CHST8: variants seen among roughly 807,000 people sequenced by gnomAD.
CHST8 encodes the protein GALNAC-4-ST1.
Under a neutral mutation model 15.0 loss-of-function variants are expected in CHST8, and 10 were observed. The ratio of observed to expected loss-of-function variants is 0.67; its 90% CI spans 0.41 to 1.13. CHST8 has a LOEUF of 1.13. Among genes scored for constraint, CHST8 ranks in the 50% most tolerant of loss-of-function variants. The pLI, the probability that CHST8 is intolerant of heterozygous loss-of-function variation, is 0.00. For missense variants in CHST8, 634 were observed against 608.2 expected (o/e 1.04, Z -0.45); for synonymous variants, 259 against 256.6 (o/e 1.01, Z -0.09).
At chr19:33,765,391 C>T (rs1974813726) in intron 3 of CHST8, among the ~76,000 whole-genome samples, 1 of 152,074 alleles carries the variant, frequency 6.6e-6, no homozygotes, top group African/African-American at 2.4e-5. Flanking sequence ...TTAAGCCTCC[C>T]AGTTTGGGAT....
At chr19:33,632,927 C>A (rs1972141932) in intron 1 of CHST8, among the ~76,000 whole-genome samples, 1 of 152,054 alleles carries the variant, frequency 6.6e-6, no homozygotes, top group Non-Finnish European at 1.5e-5. Context: ...TGCCACCACA[C>A]CTGGCTAATT....
intron 1 of CHST8, among the ~76,000 whole-genome samples, chr19:33,655,327 G>A (rs551327827): frequency 3.0e-4 from 46 of 152,282 alleles, no homozygotes; most frequent in East Asian, 7.7e-4. Flanking sequence ...ATGAGCCACC[G>A]CGCCCAGCCT....
intron 2 of CHST8, among the ~76,000 whole-genome samples, chr19:33,669,803 A>T (rs992652713): frequency 1.3e-5 from 2 of 152,204 alleles, no homozygotes; most frequent in Non-Finnish European, 2.9e-5. Flanking sequence ...AGTTGTGATG[A>T]ATGGATGATG....
chr19:33,741,621 A>G (rs1974196079), intron 3 of CHST8, among the ~76,000 whole-genome samples: 1 of 152,038 alleles, frequency 6.6e-6, no homozygotes, highest in Non-Finnish European at 1.5e-5. Context: ...TGTCTTTTGT[A>G]GGACTGGACT....
At position 33,757,438 on chromosome 19, in the gene CHST8, GA is replaced by G. The variant is rs1346250221; in HGVS notation, c.131-13972del. On this transcript the variant is annotated intron_variant, in intron 3 of 4. Coordinates refer to ENST00000650847, the MANE Select transcript of CHST8 (RefSeq NM_001127895.2). Reference sequence around the variant, plus strand: ...AGAAAGAAAGAAAGAAAGAAAGAAAGAAAGAAAGAAAGAAAGAAAGAAAGAA... The same window carrying G: ...AGAAAGAAAGAAAGAAAGAAAGAAAGAAGAAAGAAAGAAAGAAAGAAAGAA... Among the ~76,000 whole-genome samples, 3 of 20,248 alleles carry G rather than the reference GA, an allele frequency of 1.5e-4. 1 individual carries two copies. Among genetic ancestry groups the G allele is most frequent in the South Asian group, 1.7e-3 (1 of 588 alleles). The allele number at this position is 20,248 out of a possible 152,430, so 13.3% of individuals were successfully genotyped here.
At chr19:33,755,993 C>A (rs1974537928) in intron 3 of CHST8, among the ~76,000 whole-genome samples, 1 of 152,094 alleles carries the variant, frequency 6.6e-6, no homozygotes, top group South Asian at 2.1e-4. Flanking sequence ...CTTCCAGGAG[C>A]CCAGTAAGCT....
chr19:33,721,665 G>A (rs1454130452), intron 3 of CHST8, among the ~76,000 whole-genome samples: 4 of 151,576 alleles, frequency 2.6e-5, no homozygotes, highest in African/African-American at 9.7e-5. Context: ...TGGATGGAGG[G>A]ATGTATGAAT....
At position 33,685,354 on chromosome 19, in the gene CHST8, CT is replaced by C. The variant is rs113246634; in HGVS notation, c.-86-3807del. On this transcript the variant is annotated intron_variant, in intron 2 of 4. Coordinates refer to ENST00000650847, the MANE Select transcript of CHST8 (RefSeq NM_001127895.2). ...GAGGGGTTTATAAGATTAATTGGAT[CT>C]TTTTTTTTTTTTTTCTTAAAGTAAA... Among the ~76,000 whole-genome samples, 528 of 143,110 alleles carry C rather than the reference CT, an allele frequency of 3.7e-3. 6 individuals are homozygous for C. Among genetic ancestry groups the C allele is most frequent in the East Asian group, 0.012 (57 of 4,940 alleles). 93.9% of individuals were successfully genotyped at this position (143,110 alleles called of 152,430 possible). A position where few individuals can be genotyped will look rare whatever the true frequency, so the allele number is the denominator to read the frequency against.
intron 1 of CHST8, among the ~76,000 whole-genome samples, chr19:33,650,518 C>CTTT (rs869057036): frequency 2.0e-3 from 73 of 36,110 alleles, no homozygotes; most frequent in Non-Finnish European, 2.9e-3. Flanking sequence ...TTTTTCTTTT[C>CTTT]TTTTTTTTTT....
At chr19:33,700,332 C>T (rs534230220) in intron 3 of CHST8, among the ~76,000 whole-genome samples, 2 of 152,210 alleles carry the variant, frequency 1.3e-5, no homozygotes, top group South Asian at 4.1e-4. Flanking sequence ...AAGTAGCTGG[C>T]AATACATTAT....
intron 3 of CHST8, among the ~76,000 whole-genome samples, chr19:33,721,098 A>T (rs1232053392): frequency 6.6e-6 from 1 of 152,222 alleles, no homozygotes; most frequent in Non-Finnish European, 1.5e-5. Context: ...TGTAATCACA[A>T]GGGAATCGTT....
chr19:33,756,735 C>G (rs189455145), intron 3 of CHST8, among the ~76,000 whole-genome samples: 2 of 152,228 alleles, frequency 1.3e-5, no homozygotes, highest in African/African-American at 4.8e-5. Context: ...AAGGTAAGAA[C>G]CTGAATTTGT....
intron 3 of CHST8, among the ~76,000 whole-genome samples, chr19:33,739,961 G>A (rs1442328316): frequency 1.3e-5 from 2 of 152,188 alleles, no homozygotes; most frequent in East Asian, 3.8e-4. Flanking sequence ...TCAGAGGAGA[G>A]CAGCTCTCAG....
At chr19:33,731,486 C>T (rs987212643) in intron 3 of CHST8, among the ~76,000 whole-genome samples, 6 of 152,152 alleles carry the variant, frequency 3.9e-5, no homozygotes, top group Admixed American at 3.9e-4. Flanking sequence ...GTGAGGACAA[C>T]CGGGGGTCAC....
chr19:33,702,818 C>T (rs1009983323), intron 3 of CHST8, among the ~76,000 whole-genome samples: 3 of 152,146 alleles, frequency 2.0e-5, no homozygotes, highest in African/African-American at 7.2e-5. Context: ...TTGGAGGGAC[C>T]GGGGGAGGAG....
intron 3 of CHST8, among the ~76,000 whole-genome samples, chr19:33,747,734 G>A (rs575279022): frequency 6.6e-6 from 1 of 152,236 alleles, no homozygotes; most frequent in South Asian, 2.1e-4. Flanking sequence ...ATACCTGGCT[G>A]TTTGTTTTCT....
intron 3 of CHST8, among the ~76,000 whole-genome samples, chr19:33,742,296 T>A (rs990520608): frequency 3.3e-5 from 5 of 152,316 alleles, no homozygotes; most frequent in African/African-American, 1.2e-4. Context: ...TACCTGAGAC[T>A]GGGTAATTTA....
At chr19:33,623,295 G>T (rs545100677) in intron 1 of CHST8, among the ~76,000 whole-genome samples, 1 of 152,346 alleles carries the variant, frequency 6.6e-6, no homozygotes, top group South Asian at 2.1e-4. Context: ...CTGTCCTGCA[G>T]TCGTCTCCGG....
intron 3 of CHST8, among the ~76,000 whole-genome samples, chr19:33,768,486 C>G (rs1316721436): frequency 6.6e-6 from 1 of 152,062 alleles, no homozygotes; most frequent in Non-Finnish European, 1.5e-5. Flanking sequence ...AAGTCTCACT[C>G]TGTTGCTCAG....
Sources: allele counts gnomAD v4.1 joint callset (sites outside exome capture counted in the v4.1 genomes callset), GRCh38; gene constraint gnomAD v4.1.1; transcripts MANE v1.5; gene names NCBI Gene and HGNC (gene_info 2026-07-23, HGNC 2026-07-21).